CR1: variants seen among roughly 807,000 people sequenced by gnomAD.
The protein encoded by CR1 is complement C3b/C4b receptor 1 (Knops blood group), also known as complement receptor type 1.
Under a neutral mutation model 187.3 loss-of-function variants are expected in CR1, and 116 were observed. The observed-to-expected ratio is 0.62, with a 90% confidence interval of 0.53 to 0.72. The LOEUF (loss-of-function observed/expected upper bound fraction) is 0.72, where lower values mean the gene tolerates loss of function less well. Among genes scored for constraint, CR1 ranks in the 30% least tolerant of loss-of-function variants. The probability of loss-of-function intolerance (pLI) is 0.00; values close to 1 mark genes in which losing one functional copy is unlikely to be tolerated. For missense variants in CR1, 1,731 were observed against 2,110.7 expected, an observed-to-expected ratio of 0.82 and a Z score of 3.52; for synonymous variants, 576 against 747.1, an observed-to-expected ratio of 0.77 and a Z score of 3.73.
intron 28 of CR1, among the ~76,000 whole-genome samples, chr1:207,577,422 G>C (rs989499232): frequency 6.6e-6 from 1 of 152,074 alleles, no homozygotes; most frequent in Non-Finnish European, 1.5e-5. Flanking sequence ...TTTACTTCTG[G>C]TAATTTGAAA....
chr1:207,573,992 G>A (rs1017626166), intron 27 of CR1, among the ~76,000 whole-genome samples: 22 of 152,118 alleles, frequency 1.4e-4, no homozygotes, highest in Non-Finnish European at 3.1e-4. Flanking sequence ...AATTAGCTGG[G>A]CATGGCAGCA....
intron 1 of CR1, among the ~76,000 whole-genome samples, chr1:207,498,887 A>AAAAAG (rs1659177058): frequency 6.7e-6 from 1 of 149,154 alleles, no homozygotes; most frequent in Admixed American, 6.7e-5. Flanking sequence ...CAAAAAAAAA[A>AAAAAG]AAAAAAGAAA....
At chr1:207,626,478 G>A (rs1185980144) in intron 45 of CR1, among the ~76,000 whole-genome samples, 1 of 152,164 alleles carries the variant, frequency 6.6e-6, no homozygotes, top group Non-Finnish European at 1.5e-5. Flanking sequence ...AAAGACAAGG[G>A]CATAAAGGGC....
At chr1:207,590,076 A>C (rs1010773195) in intron 35 of CR1, among the ~76,000 whole-genome samples, 3 of 152,270 alleles carry the variant, frequency 2.0e-5, no homozygotes, top group African/African-American at 7.2e-5. Flanking sequence ...CTAGCAAGAC[A>C]GTCCAGCATT....
chr1:207,516,431 A>G (rs781494049), intron 4 of CR1, among the ~76,000 whole-genome samples: 5 of 152,214 alleles, frequency 3.3e-5, no homozygotes, highest in Non-Finnish European at 7.3e-5. Flanking sequence ...CTGGTAGCAT[A>G]TATCTCCTAA....
In CR1 at chr1:207,568,029, C is replaced by T; in HGVS notation, c.4158C>T (p.Arg1386=). ...GGGTTTGGAGCAGCCCTGCCCCTCG[C>T]TGTGGAATTCTGGGTTAGTGCTCAT... The part of the protein sequence containing the change: ...GNGVWSSPAP[R]CGILGHCQAP... Residue 1386 remains arginine (R), a synonymous_variant, in exon 25 of 47, where the codon CGC becomes CGT. Coordinates refer to ENST00000367049, the MANE Select transcript of CR1 (RefSeq NM_000651.6). 1 of 1,610,742 alleles carries T rather than the reference C, an allele frequency of 6.2e-7. No homozygotes were observed. The highest frequency in any genetic ancestry group is 8.5e-7 in the Non-Finnish European group (1 of 1,179,618).
intron 5 of CR1, 55 bp downstream of exon 5, chr1:207,524,064 A>G: frequency 6.2e-7 from 1 of 1,611,648 alleles, no homozygotes. Flanking sequence ...TTGCTGTTGG[A>G]TCAGGAGATT....
chr1:207,616,338 T>C (rs995862089), intron 40 of CR1, among the ~76,000 whole-genome samples: 19 of 152,214 alleles, frequency 1.2e-4, no homozygotes, highest in African/African-American at 4.1e-4. Flanking sequence ...ATTGTGAACA[T>C]AGGTACCTGA....
chr1:207,635,549 C>G (rs575028489), intron 46 of CR1, among the ~76,000 whole-genome samples: 3 of 152,224 alleles, frequency 2.0e-5, no homozygotes, highest in East Asian at 3.9e-4. Context: ...GGTTTTACAC[C>G]GAGACATTCC....
Position 207,575,629 on chromosome 1 carries a change from A to G in CR1, c.4486A>G (p.Ile1496Val), listed in dbSNP as rs774602910. 17 of 1,611,690 alleles carry G rather than the reference A, an allele frequency of 1.1e-5. No individual in the cohort carries two copies. Among genetic ancestry groups the G allele is most frequent in the South Asian group, 4.4e-5 (4 of 90,992 alleles). The stretch of plus-strand genomic sequence containing the variant: ...CATTGGTCACTCATCTGCTGAATGT[A>G]TCCTCTCAGGCAATACTGCCCATTG... ...RLIGHSSAEC[I>V]LSGNTAHWST... Residue 1496 changes from isoleucine (I) to valine (V), a missense_variant, in exon 28 of 47, where the codon ATC (isoleucine) becomes GTC (valine). Ile to Val is a conservative substitution (Grantham distance 29). Transcript: ENST00000367049.
intron 3 of CR1, among the ~76,000 whole-genome samples, chr1:207,509,269 G>A (rs12239726): frequency 1.3e-5 from 2 of 152,146 alleles, no homozygotes; most frequent in Non-Finnish European, 2.9e-5. Flanking sequence ...TTCTGGAAAC[G>A]AAATGATCAT....
chr1:207,577,816 G>T lies in CR1; in HGVS notation c.4549G>T (p.Gly1517Trp). 6.2e-7 allele frequency: 1 copy of T among 1,613,774 alleles called. No individual in the cohort carries two copies. The highest frequency in any genetic ancestry group is 1.3e-5 in the African/African-American group (1 of 74,998). Residue 1517 changes from glycine to tryptophan, a missense_variant, in exon 29 of 47, where the codon GGG (glycine) becomes TGG (tryptophan). Physicochemically the swap from Gly to Trp is radical, Grantham distance 184. This residue lies in a region of CR1 where 1,312 missense variants were observed against 1,379.6 expected (regional missense o/e 0.95). Transcript: ENST00000367049. ...TGTCTCTTTTCCAGGAATTCCTTGTGGGCTACCCCCAACCATCGCCAATGG... is the reference window on the plus strand; with the variant it reads ...TGTCTCTTTTCCAGGAATTCCTTGTTGGCTACCCCCAACCATCGCCAATGG... The part of the protein sequence containing the change: ...KPPICQRIPC[G>W]LPPTIANGDF...
At chr1:207,505,477 T>C (rs1659398236) in intron 1 of CR1, among the ~76,000 whole-genome samples, 2 of 152,112 alleles carry the variant, frequency 1.3e-5, no homozygotes, top group South Asian at 4.2e-4. Context: ...TTGGCTATTA[T>C]TGAAGTGTTC....
At chr1:207,518,703 C>T (rs533611091) in intron 4 of CR1, among the ~76,000 whole-genome samples, 2 of 152,294 alleles carry the variant, frequency 1.3e-5, no homozygotes, top group African/African-American at 2.4e-5. Flanking sequence ...TCCATCTTCT[C>T]ATCGCCTTCT....
intron 31 of CR1, among the ~76,000 whole-genome samples, chr1:207,581,307 C>A (rs929279273): frequency 3.4e-5 from 5 of 145,156 alleles, no homozygotes; most frequent in African/African-American, 1.3e-4. Context: ...CATATGGACA[C>A]GTATATGTAT....
At chr1:207,497,041 C>A (rs1659110339) in intron 1 of CR1, among the ~76,000 whole-genome samples, 1 of 152,130 alleles carries the variant, frequency 6.6e-6, no homozygotes, top group African/African-American at 2.4e-5. Flanking sequence ...ACTGTCCTCG[C>A]CCCCCACACC....
rs796318119 is a variant in CR1, at chr1:207,507,809, C to CA, written c.401+1006dup. On this transcript the variant is annotated intron_variant, in intron 3 of 46. Coordinates refer to ENST00000367049, the MANE Select transcript of CR1 (RefSeq NM_000651.6). ...AGGAATTGAAAACTCATGTTCACAC[C>CA]AAAAAAAAAAGAAATCTGCACACAG... 5.8e-3 allele frequency among the ~76,000 whole-genome samples: 837 copies of CA among 144,348 alleles called. 5 individuals carry two copies. Among genetic ancestry groups the CA allele is most frequent in the Middle Eastern group, 0.031 (9 of 286 alleles). 94.7% of individuals were successfully genotyped at this position (144,348 alleles called of 152,430 possible). A position where few individuals can be genotyped will look rare whatever the true frequency, so the allele number is the denominator to read the frequency against.
At chr1:207,510,207 C>CA (rs943694284) in intron 3 of CR1, among the ~76,000 whole-genome samples, 10 of 149,272 alleles carry the variant, frequency 6.7e-5, no homozygotes, top group East Asian at 2.0e-4. Flanking sequence ...AAATCTGTCT[C>CA]AAAAAAAAAG....
At chr1:207,567,733 T>G in intron 24 of CR1, 91 bp from the exon 25 acceptor site, 2 of 1,501,502 alleles carry the variant, frequency 1.3e-6, no homozygotes, top group South Asian at 1.2e-5. Flanking sequence ...CTTAGCATAT[T>G]TTCAGCAACA....
Sources: gnomAD v4.1 joint callset for allele counts (sites outside exome capture counted in the v4.1 genomes callset) on GRCh38, gnomAD v4.1.1 for gene constraint, gnomAD v4.1.1 regional missense constraint, MANE v1.5 for transcripts, NCBI Gene and HGNC (gene_info 2026-07-23, HGNC 2026-07-21) for gene names.